The following TNFSF4 variants were observed in gnomAD, a reference collection of about 807,000 sequenced individuals.
TNFSF4 encodes the protein tumor necrosis factor ligand superfamily member 4.
In TNFSF4, 4 loss-of-function variants were observed where a neutral mutation model predicts 7.3. The observed-to-expected ratio is 0.55, with a 90% CI of 0.27 to 1.25. The LOEUF is 1.25. Ranked by LOEUF, TNFSF4 falls within the 50% of genes most tolerant of loss-of-function variation. TNFSF4 has a pLI of 0.12. For missense variants in TNFSF4, 181 were observed against 208.8 expected (o/e 0.87, Z 0.82); for synonymous variants, 76 against 83.7 (o/e 0.91, Z 0.50).
the TNFSF4 span, among the ~76,000 whole-genome samples, chr1:173,231,706 A>G: frequency 6.6e-6 from 1 of 152,308 alleles, no homozygotes; most frequent in East Asian, 1.9e-4. Flanking sequence ...TTGTATATTT[A>G]GAAAACCCCA....
chr1:173,322,117 G>A, the TNFSF4 span, among the ~76,000 whole-genome samples: 4 of 152,134 alleles, frequency 2.6e-5, no homozygotes, highest in Admixed American at 6.5e-5. Context: ...ATATACACTC[G>A]TGGACTACTA....
At chr1:173,231,411 A>C in the TNFSF4 span, among the ~76,000 whole-genome samples, 19 of 152,210 alleles carry the variant, frequency 1.2e-4, no homozygotes, top group African/African-American at 4.6e-4. Flanking sequence ...CATGCTAAAA[A>C]CTCTCAATAA....
the TNFSF4 span, among the ~76,000 whole-genome samples, chr1:173,389,851 T>C: frequency 1.3e-5 from 2 of 152,186 alleles, no homozygotes; most frequent in African/African-American, 4.8e-5. Context: ...TTTGATTCTT[T>C]TTTCAAATCT....
At chr1:173,394,917 TAGAG>T in the TNFSF4 span, among the ~76,000 whole-genome samples, 9 of 143,856 alleles carry the variant, frequency 6.3e-5, no homozygotes, top group African/African-American at 2.2e-4. Context: ...TTTAGATAGA[TAGAG>T]ATAGATAGAT....
At chr1:173,374,021 T>A in the TNFSF4 span, among the ~76,000 whole-genome samples, 1 of 152,082 alleles carries the variant, frequency 6.6e-6, no homozygotes, top group Non-Finnish European at 1.5e-5. Context: ...AGAAGGCAAA[T>A]GAAACACTCA....
At chr1:173,408,738 C>G in the TNFSF4 span, among the ~76,000 whole-genome samples, 1 of 152,134 alleles carries the variant, frequency 6.6e-6, no homozygotes, top group East Asian at 1.9e-4. Flanking sequence ...CAGGCATGCG[C>G]CACCATGCCT....
chr1:173,335,406 A>G, the TNFSF4 span, among the ~76,000 whole-genome samples: 3 of 152,170 alleles, frequency 2.0e-5, no homozygotes, highest in African/African-American at 7.2e-5. Context: ...GGGGCCAGAC[A>G]TTACAGTAGA....
At chr1:173,304,136 C>A in the TNFSF4 span, among the ~76,000 whole-genome samples, 1 of 151,796 alleles carries the variant, frequency 6.6e-6, no homozygotes, top group Non-Finnish European at 1.5e-5. Context: ...GTAAAAAAAA[C>A]CATTGACATA....
the TNFSF4 span, among the ~76,000 whole-genome samples, chr1:173,239,145 T>C: frequency 1.1e-3 from 163 of 152,296 alleles, 1 homozygote; most frequent in Non-Finnish European, 1.8e-3. Context: ...CTTTCTTCCT[T>C]CTTTCAGTAA....
the TNFSF4 span, among the ~76,000 whole-genome samples, chr1:173,212,979 C>A: frequency 1.3e-5 from 2 of 152,076 alleles, no homozygotes; most frequent in Admixed American, 1.3e-4. Context: ...TCTCAGAGGG[C>A]CAAATTGAAT....
the TNFSF4 span, among the ~76,000 whole-genome samples, chr1:173,410,068 C>A: frequency 1.3e-5 from 2 of 152,088 alleles, no homozygotes; most frequent in African/African-American, 4.8e-5. Context: ...AGTTTGAGAC[C>A]AGCCTGGGCA....
the TNFSF4 span, chr1:173,418,361 C>A: frequency 6.6e-6 from 1 of 152,224 alleles, no homozygotes; most frequent in South Asian, 2.1e-4. Context: ...GCATACGGTG[C>A]ACCTTCCAAA....
At chr1:173,272,465 C>G in the TNFSF4 span, among the ~76,000 whole-genome samples, 1 of 151,852 alleles carries the variant, frequency 6.6e-6, no homozygotes, top group Non-Finnish European at 1.5e-5. Context: ...AAAAAGAAGT[C>G]AGAAGGAGCC....
At chr1:173,352,373 G>A in the TNFSF4 span, among the ~76,000 whole-genome samples, 5 of 152,198 alleles carry the variant, frequency 3.3e-5, no homozygotes, top group South Asian at 2.1e-4. Flanking sequence ...ATATTTCAAC[G>A]TACGTTATTT....
At chr1:173,311,817 G>C in the TNFSF4 span, among the ~76,000 whole-genome samples, 1 of 152,082 alleles carries the variant, frequency 6.6e-6, no homozygotes, top group South Asian at 2.1e-4. Flanking sequence ...AGTACCTCAA[G>C]CAGGGCAATA....
chr1:173,327,670 A>C, the TNFSF4 span, among the ~76,000 whole-genome samples: 1 of 152,104 alleles, frequency 6.6e-6, no homozygotes, highest in Non-Finnish European at 1.5e-5. Context: ...AAAAACAAAC[A>C]ACCCCATCAA....
intron 1 of TNFSF4, among the ~76,000 whole-genome samples, chr1:173,189,021 G>A (rs550443287): frequency 1.3e-5 from 2 of 152,090 alleles, no homozygotes; most frequent in East Asian, 1.9e-4. Context: ...CGCCATGCCC[G>A]GCCCTGACTT....
chr1:173,189,224 T>TA (rs1360654934), intron 1 of TNFSF4, among the ~76,000 whole-genome samples: 3 of 152,244 alleles, frequency 2.0e-5, no homozygotes, highest in Non-Finnish European at 4.4e-5. Context: ...CGTAGCACTA[T>TA]AGTCATATTG....
At chr1:173,362,609 G>GT in the TNFSF4 span, 1 of 498,754 alleles carries the variant, frequency 2.0e-6, no homozygotes, top group South Asian at 1.6e-5. Context: ...TCCTGGGTAA[G>GT]TTTTGCATGC....
Sources: allele counts gnomAD v4.1 joint callset (sites outside exome capture counted in the v4.1 genomes callset), GRCh38; gene constraint gnomAD v4.1.1; transcripts MANE v1.5; gene names NCBI Gene and HGNC (gene_info 2026-07-23, HGNC 2026-07-21).